CADM2: variants seen among roughly 807,000 people sequenced by gnomAD.
The protein encoded by CADM2 is cell adhesion molecule 2, also known as immunoglobulin superfamily member 4D.
In CADM2, 12 loss-of-function variants were observed where a neutral mutation model predicts 49.8. The ratio of observed to expected loss-of-function variants is 0.24; its 90% CI spans 0.15 to 0.39. CADM2 has a LOEUF of 0.39. Among genes scored for constraint, CADM2 ranks in the 10% least tolerant of loss-of-function variants. The pLI is 1.00. For synonymous variants in CADM2, 214 were observed against 175.4 expected (o/e 1.22, Z -1.74); for missense variants, 378 against 492.3 (o/e 0.77, Z 2.20).
At chr3:85,167,958 C>T (rs563761757) in intron 1 of CADM2, among the ~76,000 whole-genome samples, 1 of 152,114 alleles carries the variant, frequency 6.6e-6, no homozygotes, top group South Asian at 2.1e-4. Context: ...TGTTAGACTC[C>T]CTGCATCCTA....
chr3:85,041,345 G>T (rs986046690), intron 1 of CADM2, among the ~76,000 whole-genome samples: 2 of 152,100 alleles, frequency 1.3e-5, no homozygotes, highest in Non-Finnish European at 2.9e-5. Context: ...AATTCGCACA[G>T]TGAACAGTTT....
chr3:85,514,006 A>G (rs1338209486), intron 1 of CADM2, among the ~76,000 whole-genome samples: 4 of 152,098 alleles, frequency 2.6e-5, no homozygotes, highest in Admixed American at 1.3e-4. Context: ...AGACTGGGTC[A>G]AGCATCGTTA....
chr3:85,088,795 A>G (rs1011707998), intron 1 of CADM2, among the ~76,000 whole-genome samples: 2 of 152,034 alleles, frequency 1.3e-5, no homozygotes, highest in Non-Finnish European at 2.9e-5. Flanking sequence ...CACTACTTTT[A>G]TTTGTCTATT....
intron 1 of CADM2, among the ~76,000 whole-genome samples, chr3:85,269,826 C>A (rs1399966180): frequency 6.6e-6 from 1 of 151,066 alleles, no homozygotes; most frequent in Non-Finnish European, 1.5e-5. Flanking sequence ...CTTTTTGAAA[C>A]CTTTTCAGTT....
intron 1 of CADM2, among the ~76,000 whole-genome samples, chr3:85,520,511 C>A (rs1014741201): frequency 4.6e-5 from 7 of 151,932 alleles, no homozygotes; most frequent in African/African-American, 1.7e-4. Context: ...TACTGTGATA[C>A]AGAAACTTTA....
chr3:85,113,248 T>C (rs2107574357), intron 1 of CADM2, among the ~76,000 whole-genome samples: 1 of 152,216 alleles, frequency 6.6e-6, no homozygotes, highest in South Asian at 2.1e-4. Context: ...GCTAAGACGT[T>C]TGGCTCTGCT....
chr3:85,917,782 G>T (rs1718559506), intron 6 of CADM2, among the ~76,000 whole-genome samples: 1 of 152,268 alleles, frequency 6.6e-6, no homozygotes, highest in South Asian at 2.1e-4. Context: ...TCACGATATT[G>T]ATTCTTCCTG....
Position 85,666,422 on chromosome 3 carries a change from G to T in CADM2, c.62-60100G>T, listed in dbSNP as rs115181723. On this transcript the variant is annotated intron_variant, in intron 1 of 9. Coordinates refer to ENST00000383699, the MANE Select transcript of CADM2 (RefSeq NM_001167675.2). ...CCTAGCTATAAGCCTGGTAAGGGGA[G>T]AAAAAGTCATATCTTTTCCTCACTC... Among the ~76,000 whole-genome samples the T allele has an allele frequency of 4.3e-3, 655 of 151,948 alleles. 4 individuals carry two copies. Among genetic ancestry groups the T allele is most frequent in the Middle Eastern group, 0.041 (12 of 294 alleles).
intron 1 of CADM2, among the ~76,000 whole-genome samples, chr3:85,156,555 A>T (rs1384706355): frequency 6.6e-6 from 1 of 152,202 alleles, no homozygotes; most frequent in Admixed American, 6.5e-5. Flanking sequence ...TACAAGGAGG[A>T]ACTGGTACCA....
intron 5 of CADM2, among the ~76,000 whole-genome samples, chr3:85,902,700 A>G (rs1716285549): frequency 1.3e-5 from 2 of 151,354 alleles, no homozygotes; most frequent in Admixed American, 1.3e-4. Flanking sequence ...TCCTGTAAAA[A>G]TTTTTCACTT....
chr3:85,623,822 A>C (rs2107498507), intron 1 of CADM2, among the ~76,000 whole-genome samples: 1 of 152,288 alleles, frequency 6.6e-6, no homozygotes, highest in Non-Finnish European at 1.5e-5. Flanking sequence ...TGAATAGTTT[A>C]GAGATCTAAT....
intron 1 of CADM2, among the ~76,000 whole-genome samples, chr3:85,127,141 A>G (rs1278674513): frequency 1.3e-5 from 2 of 152,200 alleles, no homozygotes; most frequent in African/African-American, 4.8e-5. Flanking sequence ...GACATTCAGC[A>G]TAATAAAATC....
At chr3:85,520,452 T>G (rs1266059087) in intron 1 of CADM2, among the ~76,000 whole-genome samples, 2 of 152,048 alleles carry the variant, frequency 1.3e-5, no homozygotes, top group South Asian at 4.1e-4. Flanking sequence ...TGAATTTTTA[T>G]AACTACTAAG....
chr3:85,945,142 A>G (rs1722495754), intron 7 of CADM2, among the ~76,000 whole-genome samples: 1 of 152,184 alleles, frequency 6.6e-6, no homozygotes, highest in African/African-American at 2.4e-5. Flanking sequence ...AGAGAATTCT[A>G]TAAACACCTC....
intron 1 of CADM2, among the ~76,000 whole-genome samples, chr3:85,211,798 C>T (rs571119086): frequency 6.6e-6 from 1 of 152,148 alleles, no homozygotes; most frequent in South Asian, 2.1e-4. Flanking sequence ...GGTCTATATG[C>T]TATATAGTAC....
At chr3:85,404,431 A>AG (rs1197769152) in intron 1 of CADM2, among the ~76,000 whole-genome samples, 1 of 152,154 alleles carries the variant, frequency 6.6e-6, no homozygotes, top group Non-Finnish European at 1.5e-5. Flanking sequence ...CTGAGACTCC[A>AG]GAAAAAAAAG....
Position 85,104,215 on chromosome 3 carries a change from A to G in CADM2, c.61+144547A>G, listed in dbSNP as rs372831534. Among the ~76,000 whole-genome samples, 700 of 150,932 alleles carry G rather than the reference A, an allele frequency of 4.6e-3. 5 individuals carry two copies. In the East Asian group the frequency reaches 0.048, roughly 10 times the overall value. On this transcript the variant is annotated intron_variant, in intron 1 of 9. Transcript: ENST00000383699. ...TTAAGTCTTTAATCCATCTTGAATT[A>G]ATTTTTGTATAAGGTGTAAGGAAGG... is the stretch of plus-strand genomic sequence containing the variant.
At chr3:85,495,750 G>A (rs2039861099) in intron 1 of CADM2, among the ~76,000 whole-genome samples, 2 of 151,934 alleles carry the variant, frequency 1.3e-5, no homozygotes, top group South Asian at 2.1e-4. Context: ...CATGGCAAGA[G>A]TAAGAGAGAG....
At chr3:85,259,930 TC>T (rs1455458170) in intron 1 of CADM2, among the ~76,000 whole-genome samples, 1 of 152,074 alleles carries the variant, frequency 6.6e-6, no homozygotes, top group Non-Finnish European at 1.5e-5. Context: ...GCAGACACAA[TC>T]TAAAGGTTAG....
Sources: gnomAD v4.1 joint callset for allele counts (sites outside exome capture counted in the v4.1 genomes callset) on GRCh38, gnomAD v4.1.1 for gene constraint, MANE v1.5 for transcripts, NCBI Gene and HGNC (gene_info 2026-07-23, HGNC 2026-07-21) for gene names.